The following SLCO2B1 variants were observed in gnomAD, a reference collection of about 807,000 sequenced individuals.
The protein encoded by SLCO2B1 is OATP-RP2.
SLCO2B1 carries 41 observed loss-of-function variants against 67.3 expected under a neutral mutation model. That is an observed-to-expected ratio of 0.61 (90% CI 0.47 to 0.79). The LOEUF (loss-of-function observed/expected upper bound fraction) is 0.79. Among genes scored for constraint, SLCO2B1 ranks in the 30% least tolerant of loss-of-function variants. The probability of loss-of-function intolerance (pLI) is 0.00; values close to 1 mark genes in which losing one functional copy is unlikely to be tolerated. For synonymous variants in SLCO2B1, 379 were observed against 381.4 expected (o/e 0.99, Z 0.07); for missense variants, 837 against 920.1 (o/e 0.91, Z 1.17).
At chr11:75,172,591 T>G in intron 7 of SLCO2B1, 22 bp downstream of exon 7, 1 of 1,601,598 alleles carries the variant, frequency 6.2e-7, no homozygotes. Context: ...CCATGTCACC[T>G]GACTGGGTCC....
At chr11:75,190,403 G>A (rs903007077) in intron 8 of SLCO2B1, among the ~76,000 whole-genome samples, 1 of 152,214 alleles carries the variant, frequency 6.6e-6, no homozygotes, top group African/African-American at 2.4e-5. Context: ...GAGGGAGGAG[G>A]AACCATGGTC....
At chr11:75,203,028 G>A in intron 12 of SLCO2B1, 63 bp downstream of exon 12, 1 of 1,431,246 alleles carries the variant, frequency 7.0e-7, no homozygotes, top group South Asian at 1.1e-5. Context: ...CTGTGTGCCA[G>A]GCCTGGGGCA....
intron 7 of SLCO2B1, among the ~76,000 whole-genome samples, chr11:75,187,268 A>G (rs1428253058): frequency 1.3e-5 from 2 of 151,758 alleles, no homozygotes; most frequent in Admixed American, 1.3e-4. Context: ...GAAGATGGTG[A>G]TTGTGCCCCC....
intron 1 of SLCO2B1, 43 bp from the exon 2 acceptor site, chr11:75,162,612 G>A (rs371833972): frequency 1.4e-5 from 23 of 1,591,408 alleles, no homozygotes; most frequent in South Asian, 1.4e-4. Flanking sequence ...GGCCATTCTC[G>A]GGGATTCTAT....
In SLCO2B1 at chr11:75,205,229, G is replaced by C. The variant is rs1945253643; in HGVS notation, c.*649G>C. 1 of 152,388 alleles carries C rather than the reference G, an allele frequency of 6.6e-6. No individual in the cohort carries two copies. The highest frequency in any genetic ancestry group is 6.5e-5 in the Admixed American group (1 of 15,296). The allele number at this position is 152,388 out of a possible 1,614,324, so 9.4% of individuals were successfully genotyped here. A position where few individuals can be genotyped will look rare whatever the true frequency, so the allele number is the denominator to read the frequency against. The stretch of plus-strand genomic sequence containing the variant: ...ACTTGGCAGGGCCTTCAAGAGGCCT[G>C]TGTGGGGGCCCCAGGAATCCTTAGC... On this transcript the variant is annotated 3_prime_UTR_variant, in exon 14 of 14. Transcript: ENST00000289575.
intron 10 of SLCO2B1, among the ~76,000 whole-genome samples, chr11:75,199,007 C>A (rs923944403): frequency 2.0e-5 from 3 of 151,744 alleles, no homozygotes; most frequent in African/African-American, 4.8e-5. Flanking sequence ...AAGCCTCCAG[C>A]CTTTGCGTTC....
At chr11:75,167,421 G>A (rs1458755444) in intron 4 of SLCO2B1, among the ~76,000 whole-genome samples, 1 of 151,958 alleles carries the variant, frequency 6.6e-6, no homozygotes, top group Non-Finnish European at 1.5e-5. Flanking sequence ...TCTGCAATAG[G>A]TGCCCCTGAA....
At chr11:75,171,766 C>T (rs562416449) in intron 6 of SLCO2B1, among the ~76,000 whole-genome samples, 22 of 152,228 alleles carry the variant, frequency 1.4e-4, no homozygotes, top group African/African-American at 5.1e-4. Flanking sequence ...GGTCACCTTC[C>T]CACCCCACTC....
At chr11:75,164,614 T>C (rs1949865057) in intron 3 of SLCO2B1, among the ~76,000 whole-genome samples, 1 of 152,014 alleles carries the variant, frequency 6.6e-6, no homozygotes, top group African/African-American at 2.4e-5. Flanking sequence ...TTGGGTGGAT[T>C]TGGAGATCAG....
At chr11:75,187,990 G>A (rs1944962990) in intron 7 of SLCO2B1, 146 bp from the exon 8 acceptor site, 1 of 558,686 alleles carries the variant, frequency 1.8e-6, no homozygotes. Flanking sequence ...AGAACAAATG[G>A]AACACTGCAG....
In SLCO2B1 at chr11:75,193,817, C is replaced by T. The variant is rs1219599066; in HGVS notation, c.1433+242C>T. On this transcript the variant is annotated intron_variant, in intron 9 of 13. Transcript: ENST00000289575. The surrounding 1 kb of genome is among the most constrained non-coding windows in gnomAD (Gnocchi z 4.2). ...GACTTCAGGGGCAGAAACTCTCAAG[C>T]CCAGGAGGGTGTGGAGGCTGAGATA... 6.6e-6 allele frequency among the ~76,000 whole-genome samples: 1 copy of T among 152,182 alleles called. No individual in the cohort carries two copies. The highest frequency in any genetic ancestry group is 2.4e-5 in the African/African-American group (1 of 41,454).
At chr11:75,203,598 C>G in intron 13 of SLCO2B1, 171 bp downstream of exon 13, 1 of 764,774 alleles carries the variant, frequency 1.3e-6, no homozygotes, top group Non-Finnish European at 2.1e-6. Flanking sequence ...CACTGCCCCC[C>G]TCCTTTTATA....
chr11:75,195,702 C>T (rs895414459), intron 9 of SLCO2B1, among the ~76,000 whole-genome samples: 3 of 152,236 alleles, frequency 2.0e-5, no homozygotes, highest in Non-Finnish European at 4.4e-5. Context: ...CGCCTTTGGC[C>T]TCCTCTGCAG....
chr11:75,186,235 G>A (rs1944927856), intron 7 of SLCO2B1, among the ~76,000 whole-genome samples: 1 of 151,032 alleles, frequency 6.6e-6, no homozygotes, highest in Admixed American at 6.6e-5. Flanking sequence ...TTGAGAGGGA[G>A]TCTCGCTCTG....
chr11:75,204,978 C>G lies in SLCO2B1; in HGVS notation c.*398C>G, dbSNP rs1945248479. The G allele has an allele frequency of 6.3e-6, 1 of 157,496 alleles. No individual in the cohort carries two copies. The highest frequency in any genetic ancestry group is 2.0e-4 in the South Asian group (1 of 4,968). 9.8% of individuals were successfully genotyped at this position (157,496 alleles called of 1,614,324 possible). A position where few individuals can be genotyped will look rare whatever the true frequency, so the allele number is the denominator to read the frequency against. On this transcript the variant is annotated 3_prime_UTR_variant, in exon 14 of 14. Transcript: ENST00000289575. ...GGTCTGCACTCGCCTGGATCACCTT[C>G]TTTGAGCCTTAGCCATCTCCTGTCA...
At chr11:75,184,395 T>C (rs574132638) in intron 7 of SLCO2B1, among the ~76,000 whole-genome samples, 63 of 152,358 alleles carry the variant, frequency 4.1e-4, no homozygotes, top group Non-Finnish European at 7.9e-4. Context: ...TTTATTTTAC[T>C]TGAAAATCAA....
chr11:75,162,674 C>A lies in SLCO2B1; in HGVS notation c.36C>A (p.Pro12=). 1 of 1,613,598 alleles carries A rather than the reference C, an allele frequency of 6.2e-7. No individual in the cohort carries two copies. The highest frequency in any genetic ancestry group is 8.5e-7 in the Non-Finnish European group (1 of 1,179,790). ...CCTCAGGGCCAGCGGGTGAGGTACC[C>A]CAGGTACCAGACAAGGAAACCAAAG... ...GPRIGPAGEV[P]QVPDKETKAT... is the part of the protein sequence containing the mutation. Residue 12 remains proline (P), a synonymous_variant, in exon 2 of 14, where the codon CCC becomes CCA. Coordinates refer to ENST00000289575, the MANE Select transcript of SLCO2B1 (RefSeq NM_007256.5).
chr11:75,200,542 C>A, intron 11 of SLCO2B1, 155 bp downstream of exon 11: 1 of 645,476 alleles, frequency 1.5e-6, no homozygotes, highest in South Asian at 3.0e-5. Context: ...CCATGGCAAC[C>A]TACTGAGGCA....
At position 75,193,469 on chromosome 11, in the gene SLCO2B1, G is replaced by T; in HGVS notation, c.1327G>T (p.Gly443Cys). 1 of 1,611,630 alleles carries T rather than the reference G, an allele frequency of 6.2e-7. No individual in the cohort carries two copies. The highest frequency in any genetic ancestry group is 8.5e-7 in the Non-Finnish European group (1 of 1,178,186). Residue 443 changes from glycine to cysteine, a missense_variant, in exon 9 of 14, where the codon GGT becomes TGT. Physicochemically the swap from Gly to Cys is radical, Grantham distance 159. Coordinates refer to ENST00000289575, the MANE Select transcript of SLCO2B1 (RefSeq NM_007256.5). This position sits in a 1 kb window ranked among gnomAD's most constrained non-coding sequence, Gnocchi z 4.2. ...KRLHLGPVGC[G>C]ALCLLGMLLC... Reference sequence around the variant, plus strand: ...GCTCCACCTGGGCCCTGTGGGATGCGGTGCCCTTTGCCTGCTGGGGATGCT... The same window carrying T: ...GCTCCACCTGGGCCCTGTGGGATGCTGTGCCCTTTGCCTGCTGGGGATGCT...
Sources: gnomAD v4.1 joint callset for allele counts (sites outside exome capture counted in the v4.1 genomes callset) on GRCh38, gnomAD v4.1.1 for gene constraint, Gnocchi (gnomAD v3.1) non-coding constraint, MANE v1.5 for transcripts, NCBI Gene and HGNC (gene_info 2026-07-23, HGNC 2026-07-21) for gene names.